AGAP1: variants seen among roughly 807,000 people sequenced by gnomAD.
AGAP1 encodes ArfGAP with GTPase domain, ankyrin repeat and PH domain 1.
In AGAP1, 29 loss-of-function variants were observed where a neutral mutation model predicts 105.3. The ratio of observed to expected loss-of-function variants is 0.28; its 90% CI spans 0.21 to 0.38. AGAP1 has a LOEUF of 0.38. AGAP1 is among the 10% of genes least tolerant of loss of function. The pLI is 1.00. For synonymous variants in AGAP1, 509 were observed against 485.9 expected (o/e 1.05, Z -0.63); for missense variants, 998 against 1,165.1 (o/e 0.86, Z 2.09).
intron 16 of AGAP1, among the ~76,000 whole-genome samples, chr2:236,098,245 T>A (rs188364973): frequency 9.9e-4 from 151 of 152,242 alleles, no homozygotes; most frequent in African/African-American, 3.0e-3. Context: ...CGCTGAACCG[T>A]CATACCGGTT....
At position 236,056,062 on chromosome 2, in the gene AGAP1, C is replaced by T. The variant is rs2058043815; in HGVS notation, c.2114+6781C>T. ...ATAGAGCAATGCATCTAGTGAACCT[C>T]CACCAGGGAGCTTGGTGGGAATCCA... On this transcript the variant is annotated intron_variant, in intron 16 of 17. Transcript: ENST00000304032. The surrounding 1 kb of genome is among the most constrained non-coding windows in gnomAD (Gnocchi z 4.6). 6.6e-6 allele frequency among the ~76,000 whole-genome samples: 1 copy of T among 152,184 alleles called. No individual in the cohort carries two copies. The highest frequency in any genetic ancestry group is 1.5e-5 in the Non-Finnish European group (1 of 68,032).
intron 13 of AGAP1, among the ~76,000 whole-genome samples, chr2:235,972,611 G>C (rs1003230209): frequency 6.6e-6 from 1 of 152,142 alleles, no homozygotes; most frequent in African/African-American, 2.4e-5. Context: ...AGGTGAGGGT[G>C]TCCTCACTCT....
chr2:236,027,363 G>A lies in AGAP1; in HGVS notation c.1646-9198G>A, dbSNP rs1293874596. ...TGGCCTTAATTAGGCTCTGTGCTCA[G>A]ATGTTAATCCTTCCTCAGGAAGCAA... On this transcript the variant is annotated intron_variant, in intron 13 of 17. Coordinates refer to ENST00000304032, the MANE Select transcript of AGAP1 (RefSeq NM_001037131.3). The surrounding 1 kb of genome is among the most constrained non-coding windows in gnomAD (Gnocchi z 4.4). Among the ~76,000 whole-genome samples the A allele has an allele frequency of 6.6e-6, 1 of 152,126 alleles. No homozygotes were observed. The highest frequency in any genetic ancestry group is 1.5e-5 in the Non-Finnish European group (1 of 68,012).
intron 1 of AGAP1, among the ~76,000 whole-genome samples, chr2:235,570,833 G>T (rs554110756): frequency 6.6e-6 from 1 of 152,326 alleles, no homozygotes; most frequent in Non-Finnish European, 1.5e-5. Flanking sequence ...TTAGGCCGGT[G>T]CCTGGCAAGT....
chr2:235,849,719 T>C (rs1206093849), intron 9 of AGAP1, among the ~76,000 whole-genome samples: 1 of 152,110 alleles, frequency 6.6e-6, no homozygotes, highest in Non-Finnish European at 1.5e-5. Context: ...CTGGCCCTTC[T>C]CCCTTCCTCA....
At chr2:235,590,361 C>A (rs1400581406) in intron 1 of AGAP1, among the ~76,000 whole-genome samples, 1 of 152,118 alleles carries the variant, frequency 6.6e-6, no homozygotes, top group African/African-American at 2.4e-5. Context: ...ATGCCAGATG[C>A]CAAGTTGACC....
rs2057722944 is a variant in AGAP1 at position 236,046,549 on chromosome 2, G to T, written c.1892-2510G>T. On this transcript the variant is annotated intron_variant, in intron 15 of 17. Coordinates refer to ENST00000304032, the MANE Select transcript of AGAP1 (RefSeq NM_001037131.3). This position sits in a 1 kb window ranked among gnomAD's most constrained non-coding sequence, Gnocchi z 5.2. Reference sequence around the variant, plus strand: ...CAGCTTGAATAGCTGGGACAGGAGGGACCTGGCAGAAGAATGCATTTGCAG... The same window carrying T: ...CAGCTTGAATAGCTGGGACAGGAGGTACCTGGCAGAAGAATGCATTTGCAG... Among the ~76,000 whole-genome samples, 1 of 152,204 alleles carries T rather than the reference G, an allele frequency of 6.6e-6. No individual in the cohort carries two copies. Among genetic ancestry groups the T allele is most frequent in the African/African-American group, 2.4e-5 (1 of 41,444 alleles).
Position 236,087,468 on chromosome 2 carries a change from C to T in AGAP1, c.2115-32724C>T, listed in dbSNP as rs369850516. Among the ~76,000 whole-genome samples, 26 of 152,298 alleles carry T rather than the reference C, an allele frequency of 1.7e-4. No individual in the cohort carries two copies. In the South Asian group the frequency reaches 4.6e-3, roughly 27 times the overall value. ...TCATGGCTCTACCACACCATCTTCC[C>T]GAGAGAGCCTGTGCCCGCCCCACAG... On this transcript the variant is annotated intron_variant, in intron 16 of 17. Transcript: ENST00000304032. This position sits in a 1 kb window ranked among gnomAD's most constrained non-coding sequence, Gnocchi z 5.7.
chr2:236,005,916 C>A lies in AGAP1; in HGVS notation c.1646-30645C>A, dbSNP rs2056306437. Among the ~76,000 whole-genome samples the A allele has an allele frequency of 6.6e-6, 1 of 152,170 alleles. No homozygotes were observed. The highest frequency in any genetic ancestry group is 1.5e-5 in the Non-Finnish European group (1 of 68,044). On this transcript the variant is annotated intron_variant, in intron 13 of 17. Coordinates refer to ENST00000304032, the MANE Select transcript of AGAP1 (RefSeq NM_001037131.3). This position sits in a 1 kb window ranked among gnomAD's most constrained non-coding sequence, Gnocchi z 4.1. ...TTATTCTGCTGTAAAGTCATTGTGC[C>A]CCTCCACAGCCCATACTGAACTTTT...
rs1941230202 is a variant in AGAP1 at position 235,494,690 on chromosome 2, A to T, written c.4A>T (p.Asn2Tyr). 4 of 1,505,804 alleles carry T rather than the reference A, an allele frequency of 2.7e-6. No homozygotes were observed. The highest frequency in any genetic ancestry group is 1.5e-5 in the African/African-American group (1 of 67,398). 93.3% of individuals were successfully genotyped at this position (1,505,804 alleles called of 1,614,324 possible). The change falls in exon 1 of 18, where the codon AAC becomes TAC. Residue 2 changes from asparagine (N) to tyrosine (Y), a missense_variant. By Grantham distance (143) the Asn-to-Tyr change is moderately radical. Coordinates refer to ENST00000304032, the MANE Select transcript of AGAP1 (RefSeq NM_001037131.3). ...CTCCGGGCGCGGCGCCTGCACCATG[A>T]ACTACCAGCAGCAGCTGGCCAACTC... Reference protein sequence around the residue: MNYQQQLANSAA... With the variant: MYYQQQLANSAA...
At chr2:235,731,006 A>G (rs1299450422) in intron 3 of AGAP1, among the ~76,000 whole-genome samples, 4 of 152,032 alleles carry the variant, frequency 2.6e-5, no homozygotes, top group Non-Finnish European at 5.9e-5. Context: ...CTTGTCTTAC[A>G]TGAGTCAGTT....
At chr2:235,761,786 GTTT>G (rs143826425) in intron 6 of AGAP1, among the ~76,000 whole-genome samples, 4,306 of 145,258 alleles carry the variant, frequency 0.03, 203 homozygotes, top group African/African-American at 0.098. Flanking sequence ...TTATTTTGAA[GTTT>G]TTTATAATTT....
At position 235,971,917 on chromosome 2, in the gene AGAP1, C is replaced by T. The variant is rs1023784781; in HGVS notation, c.1645+3294C>T. Among the ~76,000 whole-genome samples the T allele has an allele frequency of 6.6e-6, 1 of 151,728 alleles. No homozygotes were observed. The highest frequency in any genetic ancestry group is 1.5e-5 in the Non-Finnish European group (1 of 67,912). Reference sequence around the variant, plus strand: ...CCTCAGCCTCCCAAGTAGCTGGGACCACAGGCAGGCACCACGACACCTGGC... The same window carrying T: ...CCTCAGCCTCCCAAGTAGCTGGGACTACAGGCAGGCACCACGACACCTGGC... On this transcript the variant is annotated intron_variant, in intron 13 of 17. Coordinates refer to ENST00000304032, the MANE Select transcript of AGAP1 (RefSeq NM_001037131.3). The surrounding 1 kb of genome is among the most constrained non-coding windows in gnomAD (Gnocchi z 4.8).
At chr2:235,759,197 C>G (rs1482680785) in intron 6 of AGAP1, among the ~76,000 whole-genome samples, 6 of 125,060 alleles carry the variant, frequency 4.8e-5, no homozygotes, top group African/African-American at 1.8e-4. Context: ...GAGATGGAGT[C>G]TCGCTCTGTC....
At position 236,014,401 on chromosome 2, in the gene AGAP1, A is replaced by C. The variant is rs764619577; in HGVS notation, c.1646-22160A>C. 5.3e-5 allele frequency among the ~76,000 whole-genome samples: 8 copies of C among 152,200 alleles called. No homozygotes were observed. Among genetic ancestry groups the C allele is most frequent in the Non-Finnish European group, 5.9e-5 (4 of 68,028 alleles). ...GGTCTCTTGATTTGACATGCTCCTA[A>C]TATTTGGCCGAATCAAAGGGCTTGT... is the stretch of plus-strand genomic sequence containing the variant. On this transcript the variant is annotated intron_variant, in intron 13 of 17. Coordinates refer to ENST00000304032, the MANE Select transcript of AGAP1 (RefSeq NM_001037131.3). The surrounding 1 kb of genome is among the most constrained non-coding windows in gnomAD (Gnocchi z 6.3).
At chr2:235,808,737 T>C (rs1392564176) in intron 9 of AGAP1, among the ~76,000 whole-genome samples, 1 of 152,198 alleles carries the variant, frequency 6.6e-6, no homozygotes, top group Non-Finnish European at 1.5e-5. Context: ...GATCATCTAC[T>C]GGGCCGCAAA....
intron 11 of AGAP1, among the ~76,000 whole-genome samples, chr2:235,912,878 G>A (rs114835961): frequency 1.3e-5 from 2 of 152,212 alleles, no homozygotes; most frequent in East Asian, 1.9e-4. Flanking sequence ...TTCTTTAATC[G>A]GTAATGAAGT....
chr2:236,100,059 T>A (rs1240106333), intron 16 of AGAP1, among the ~76,000 whole-genome samples: 1 of 151,898 alleles, frequency 6.6e-6, no homozygotes, highest in African/African-American at 2.4e-5. Flanking sequence ...TAAAAAAGAA[T>A]CTCAAGATGG....
At chr2:235,531,616 T>TA (rs1943047872) in intron 1 of AGAP1, among the ~76,000 whole-genome samples, 1 of 151,496 alleles carries the variant, frequency 6.6e-6, no homozygotes, top group African/African-American at 2.4e-5. Flanking sequence ...GCCTTTTTTT[T>TA]TTTTTTTTTG....
Sources: allele counts gnomAD v4.1 joint callset (sites outside exome capture counted in the v4.1 genomes callset), GRCh38; gene constraint gnomAD v4.1.1; non-coding constraint Gnocchi (gnomAD v3.1); transcripts MANE v1.5; gene names NCBI Gene and HGNC (gene_info 2026-07-23, HGNC 2026-07-21).